CHCHD3: variants seen among roughly 807,000 people sequenced by gnomAD.
CHCHD3 encodes MICOS complex subunit MIC19.
A neutral mutation model predicts 38.2 loss-of-function variants in CHCHD3; 20 were observed. That is an observed-to-expected ratio of 0.52 (90% CI 0.37 to 0.76). CHCHD3 has a LOEUF of 0.76. CHCHD3 is among the 30% of genes least tolerant of loss of function. The pLI is 0.00. For missense variants in CHCHD3, 245 were observed against 279.2 expected (o/e 0.88, Z 0.87); for synonymous variants, 82 against 100.0 (o/e 0.82, Z 1.07).
At chr7:132,977,052 A>G (rs1229611548) in intron 3 of CHCHD3, among the ~76,000 whole-genome samples, 2 of 152,338 alleles carry the variant, frequency 1.3e-5, no homozygotes, top group East Asian at 3.9e-4. Flanking sequence ...TACAAACCAA[A>G]TTTCTCTAAA....
intron 4 of CHCHD3, among the ~76,000 whole-genome samples, chr7:132,889,350 T>A (rs1232602130): frequency 6.6e-6 from 1 of 152,052 alleles, no homozygotes; most frequent in Non-Finnish European, 1.5e-5. Context: ...AAAATCATAA[T>A]GGATATTCCA....
chr7:133,059,648 C>G (rs1814443047), intron 2 of CHCHD3, among the ~76,000 whole-genome samples: 1 of 152,190 alleles, frequency 6.6e-6, no homozygotes, highest in African/African-American at 2.4e-5. Context: ...AGATGGTACT[C>G]AAGAAAGTGC....
chr7:132,963,270 A>G (rs574666705), intron 4 of CHCHD3, among the ~76,000 whole-genome samples: 3 of 149,894 alleles, frequency 2.0e-5, no homozygotes, highest in South Asian at 4.2e-4. Context: ...CTTTACCGTA[A>G]GCTAAAAATA....
chr7:132,855,406 A>G (rs937302301), intron 5 of CHCHD3, among the ~76,000 whole-genome samples: 1 of 152,222 alleles, frequency 6.6e-6, no homozygotes, highest in African/African-American at 2.4e-5. Flanking sequence ...GGTTTTCTCT[A>G]GTGCTAGCAA....
At chr7:133,065,016 A>T (rs1409325699) in intron 2 of CHCHD3, among the ~76,000 whole-genome samples, 1 of 152,170 alleles carries the variant, frequency 6.6e-6, no homozygotes, top group East Asian at 1.9e-4. Context: ...CCCAAAATTG[A>T]TTTTTTAAAA....
intron 4 of CHCHD3, among the ~76,000 whole-genome samples, chr7:132,961,900 T>C (rs1189028298): frequency 6.6e-6 from 1 of 152,202 alleles, no homozygotes; most frequent in Non-Finnish European, 1.5e-5. Flanking sequence ...CTGTATCTCA[T>C]TTATTTCACT....
intron 5 of CHCHD3, among the ~76,000 whole-genome samples, chr7:132,855,077 C>G (rs1808314202): frequency 6.6e-6 from 1 of 152,206 alleles, no homozygotes; most frequent in Non-Finnish European, 1.5e-5. Context: ...TGTGTTTAAA[C>G]AAGGTCACAC....
chr7:133,016,211 C>G (rs1229776895), intron 3 of CHCHD3, among the ~76,000 whole-genome samples: 1 of 152,028 alleles, frequency 6.6e-6, no homozygotes, highest in East Asian at 1.9e-4. Context: ...TAATGCCTAC[C>G]CAGTAGGGGT....
chr7:132,830,703 C>T (rs1436215273), intron 6 of CHCHD3: 1 of 152,114 alleles, frequency 6.6e-6, no homozygotes, highest in Non-Finnish European at 1.5e-5. Flanking sequence ...AAATGAAATC[C>T]TCCTCCAGCA....
chr7:132,946,441 G>A (rs1810905827), intron 4 of CHCHD3, among the ~76,000 whole-genome samples: 1 of 151,838 alleles, frequency 6.6e-6, no homozygotes, highest in Non-Finnish European at 1.5e-5. Flanking sequence ...CTATGGTGTT[G>A]CTCAGTTTGC....
chr7:133,001,213 C>T (rs565149016), intron 3 of CHCHD3, among the ~76,000 whole-genome samples: 1 of 152,316 alleles, frequency 6.6e-6, no homozygotes, highest in South Asian at 2.1e-4. Flanking sequence ...GTGTGCAAAG[C>T]CACTGACTAC....
At chr7:132,892,585 C>T (rs1809389020) in intron 4 of CHCHD3, among the ~76,000 whole-genome samples, 1 of 152,108 alleles carries the variant, frequency 6.6e-6, no homozygotes, top group African/African-American at 2.4e-5. Context: ...GAAAATGTCT[C>T]CAGGGCATGT....
At chr7:132,946,011 T>C (rs1019270410) in intron 4 of CHCHD3, among the ~76,000 whole-genome samples, 9 of 151,924 alleles carry the variant, frequency 5.9e-5, no homozygotes, top group African/African-American at 1.9e-4. Context: ...TGTCCAAAGA[T>C]ACATTCAATA....
chr7:132,866,776 C>G (rs1808636319), intron 5 of CHCHD3, among the ~76,000 whole-genome samples: 1 of 152,170 alleles, frequency 6.6e-6, no homozygotes, highest in Non-Finnish European at 1.5e-5. Context: ...CTTGGCAAGA[C>G]AGATACTATA....
At chr7:132,919,885 A>C (rs1810215553) in intron 4 of CHCHD3, among the ~76,000 whole-genome samples, 1 of 152,196 alleles carries the variant, frequency 6.6e-6, no homozygotes, top group African/African-American at 2.4e-5. Flanking sequence ...CTGACAAAAA[A>C]TCTGATGCTA....
At chr7:133,052,160 G>C (rs1187354041) in intron 2 of CHCHD3, 2 of 152,188 alleles carry the variant, frequency 1.3e-5, no homozygotes, top group East Asian at 3.9e-4. Flanking sequence ...AGGGCTGGCT[G>C]GTCCCAAAAC....
intron 5 of CHCHD3, among the ~76,000 whole-genome samples, chr7:132,881,791 A>C (rs1449429062): frequency 1.3e-5 from 2 of 152,194 alleles, no homozygotes; most frequent in East Asian, 3.8e-4. Context: ...GTGTGTGCAG[A>C]ATTCCTAATA....
chr7:132,848,817 T>A (rs1422079512), intron 5 of CHCHD3, among the ~76,000 whole-genome samples: 1 of 152,170 alleles, frequency 6.6e-6, no homozygotes, highest in Non-Finnish European at 1.5e-5. Context: ...AATATTTTAT[T>A]ACTGAAACTT....
intron 4 of CHCHD3, 101 bp downstream of exon 4, chr7:132,975,068 T>C: frequency 3.3e-6 from 3 of 897,858 alleles, no homozygotes; most frequent in South Asian, 3.0e-5. Context: ...ACATGAATAA[T>C]ATTATCAACA....
Sources: allele counts gnomAD v4.1 joint callset (sites outside exome capture counted in the v4.1 genomes callset), GRCh38; gene constraint gnomAD v4.1.1; transcripts MANE v1.5; gene names NCBI Gene and HGNC (gene_info 2026-07-23, HGNC 2026-07-21).